IQCH: variants seen among roughly 807,000 people sequenced by gnomAD.
The protein encoded by IQCH is IQ domain-containing protein H.
IQCH carries 98 observed loss-of-function variants against 117.0 expected under a neutral mutation model. The observed-to-expected ratio is 0.84, with a 90% CI of 0.71 to 0.99. The LOEUF (loss-of-function observed/expected upper bound fraction) is 0.99, where lower values mean the gene tolerates loss of function less well. Among genes scored for constraint, IQCH ranks in the 50% least tolerant of loss-of-function variants. The probability of loss-of-function intolerance (pLI) is 0.00; values close to 1 mark genes in which losing one functional copy is unlikely to be tolerated. For synonymous variants in IQCH, 412 were observed against 448.2 expected (o/e 0.92, Z 1.02); for missense variants, 1,102 against 1,243.8 (o/e 0.89, Z 1.72).
At chr15:67,329,864 A>C (rs1465601863) in intron 4 of IQCH, among the ~76,000 whole-genome samples, 1 of 151,978 alleles carries the variant, frequency 6.6e-6, no homozygotes, top group Non-Finnish European at 1.5e-5. Context: ...ATATATAGTG[A>C]ATTATATATG....
chr15:67,367,607 G>A (rs979979300), intron 8 of IQCH, among the ~76,000 whole-genome samples: 6 of 152,086 alleles, frequency 3.9e-5, no homozygotes, highest in African/African-American at 1.4e-4. Context: ...AGGCCAGGTT[G>A]GCTCTGATGT....
At chr15:67,362,769 C>T (rs1389051205) in intron 8 of IQCH, among the ~76,000 whole-genome samples, 3 of 152,340 alleles carry the variant, frequency 2.0e-5, no homozygotes, top group Non-Finnish European at 4.4e-5. Context: ...ATCCACAACA[C>T]TTGGGTTTTC....
intron 4 of IQCH, among the ~76,000 whole-genome samples, chr15:67,292,378 A>G (rs1212387215): frequency 6.6e-6 from 1 of 152,048 alleles, no homozygotes; most frequent in African/African-American, 2.4e-5. Flanking sequence ...CAGCCTCCCG[A>G]GTAGCTGAGA....
At chr15:67,414,094 C>T (rs573268200) in intron 14 of IQCH, among the ~76,000 whole-genome samples, 9 of 152,314 alleles carry the variant, frequency 5.9e-5, no homozygotes, top group African/African-American at 9.6e-5. Flanking sequence ...CCATAAAGTC[C>T]GCCCAGGAAG....
intron 18 of IQCH, among the ~76,000 whole-genome samples, chr15:67,489,562 C>T (rs568808029): frequency 9.3e-6 from 1 of 107,384 alleles, no homozygotes; most frequent in African/African-American, 3.5e-5. Flanking sequence ...GCGATTCTCC[C>T]GCCTCAGTCT....
At chr15:67,358,909 T>C (rs1970023387) in intron 7 of IQCH, among the ~76,000 whole-genome samples, 2 of 152,238 alleles carry the variant, frequency 1.3e-5, no homozygotes, top group South Asian at 2.1e-4. Flanking sequence ...AAGCTATTTA[T>C]GTAGCAGCAT....
intron 17 of IQCH, among the ~76,000 whole-genome samples, chr15:67,468,871 T>C (rs985066120): frequency 1.3e-5 from 2 of 152,232 alleles, no homozygotes; most frequent in African/African-American, 2.4e-5. Context: ...AGAGATTTAT[T>C]ACATAAGGAT....
chr15:67,347,898 T>G lies in IQCH; in HGVS notation c.637+3707T>G, dbSNP rs116254065. On this transcript the variant is annotated intron_variant, in intron 6 of 20. Coordinates refer to ENST00000335894, the MANE Select transcript of IQCH (RefSeq NM_001031715.3). ...ATATATAGATATATATGTTTATATATATAGAGAGAGATTATGTATTTTATA... is the reference window on the plus strand; with the variant it reads ...ATATATAGATATATATGTTTATATAGATAGAGAGAGATTATGTATTTTATA... Among the ~76,000 whole-genome samples, 1,345 of 147,728 alleles carry G rather than the reference T, an allele frequency of 9.1e-3. 15 individuals carry two copies. Among genetic ancestry groups the G allele is most frequent in the African/African-American group, 0.031 (1,277 of 40,780 alleles).
At chr15:67,371,518 C>A in intron 8 of IQCH, 1 of 1,581,798 alleles carries the variant, frequency 6.3e-7, no homozygotes, top group Non-Finnish European at 8.6e-7. Flanking sequence ...TCAAGAGAAA[C>A]CTAAGAATGA....
At chr15:67,414,743 A>T (rs1476186349) in intron 14 of IQCH, among the ~76,000 whole-genome samples, 1 of 151,568 alleles carries the variant, frequency 6.6e-6, no homozygotes, top group Admixed American at 6.6e-5. Context: ...AAGGCCTGAC[A>T]TTCTGTAATT....
chr15:67,379,338 G>A (rs1455113425), intron 10 of IQCH, among the ~76,000 whole-genome samples: 1 of 152,168 alleles, frequency 6.6e-6, no homozygotes, highest in African/African-American at 2.4e-5. Context: ...AATTCTAAGT[G>A]TTAGTTGCAA....
chr15:67,337,278 G>A lies in IQCH; in HGVS notation c.508+183G>A, dbSNP rs1230828927. On this transcript the variant is annotated intron_variant, in intron 5 of 20. Coordinates refer to ENST00000335894, the MANE Select transcript of IQCH (RefSeq NM_001031715.3). ...TGTAAATTAAAAGGTTGGACAAGAC[G>A]ATCACTAGAGTCCCTTCCACCTGTA... Among the ~76,000 whole-genome samples the A allele has an allele frequency of 7.2e-5, 11 of 152,096 alleles. No individual in the cohort carries two copies. The East Asian group carries it at 1.5e-3, about 21-fold the overall frequency.
At chr15:67,336,178 T>A (rs923472543) in intron 4 of IQCH, among the ~76,000 whole-genome samples, 1 of 152,146 alleles carries the variant, frequency 6.6e-6, no homozygotes, top group African/African-American at 2.4e-5. Flanking sequence ...CCTAGTTCCC[T>A]TGGAAGTTAT....
chr15:67,291,005 A>G (rs1288436088), intron 4 of IQCH, among the ~76,000 whole-genome samples: 3 of 152,180 alleles, frequency 2.0e-5, no homozygotes, highest in South Asian at 2.1e-4. Context: ...AAGAAGAGCT[A>G]TATCTCTCGC....
intron 4 of IQCH, among the ~76,000 whole-genome samples, chr15:67,312,876 G>T (rs1043455315): frequency 6.6e-6 from 1 of 152,120 alleles, no homozygotes; most frequent in Non-Finnish European, 1.5e-5. Flanking sequence ...GTGTTCTCCA[G>T]TATTCTAACC....
At chr15:67,347,455 A>ATAC (rs1421209193) in intron 6 of IQCH, among the ~76,000 whole-genome samples, 1 of 152,132 alleles carries the variant, frequency 6.6e-6, no homozygotes, top group African/African-American at 2.4e-5. Flanking sequence ...TGAAAGACAG[A>ATAC]TACTACCTAA....
Position 67,458,390 on chromosome 15 carries a change from T to C in IQCH, c.2506-6737T>C, listed in dbSNP as rs1243754544. 6.6e-6 allele frequency among the ~76,000 whole-genome samples: 1 copy of C among 152,238 alleles called. No individual in the cohort carries two copies. Among genetic ancestry groups the C allele is most frequent in the Non-Finnish European group, 1.5e-5 (1 of 68,050 alleles). Reference sequence around the variant, plus strand: ...TTCTACTTTTGAAAAATATCTATAATACAACCACTTCTCCCACCTTCCAGT... The same window carrying C: ...TTCTACTTTTGAAAAATATCTATAACACAACCACTTCTCCCACCTTCCAGT... On this transcript the variant is annotated intron_variant, in intron 16 of 20. Coordinates refer to ENST00000335894, the MANE Select transcript of IQCH (RefSeq NM_001031715.3). The surrounding 1 kb of genome is among the most constrained non-coding windows in gnomAD (Gnocchi z 4.1).
At position 67,426,774 on chromosome 15, in the gene IQCH, T is replaced by G. The variant is rs2081902052; in HGVS notation, c.2505+5197T>G. On this transcript the variant is annotated intron_variant, in intron 16 of 20. Transcript: ENST00000335894. This position sits in a 1 kb window ranked among gnomAD's most constrained non-coding sequence, Gnocchi z 5.1. Reference sequence around the variant, plus strand: ...GAATTGCTTGAGCTCAGGAGTTCAATACCAGCCTGGGCAACATAGAAAGGT... The same window carrying G: ...GAATTGCTTGAGCTCAGGAGTTCAAGACCAGCCTGGGCAACATAGAAAGGT... Among the ~76,000 whole-genome samples, 1 of 151,960 alleles carries G rather than the reference T, an allele frequency of 6.6e-6. No individual in the cohort carries two copies. Among genetic ancestry groups the G allele is most frequent in the Non-Finnish European group, 1.5e-5 (1 of 68,000 alleles).
chr15:67,300,150 A>T (rs1383531786), intron 4 of IQCH, among the ~76,000 whole-genome samples: 1 of 152,022 alleles, frequency 6.6e-6, no homozygotes, highest in African/African-American at 2.4e-5. Context: ...TCTTTTATTT[A>T]TCAATTTTTA....
Sources: gnomAD v4.1 joint callset for allele counts (sites outside exome capture counted in the v4.1 genomes callset) on GRCh38, gnomAD v4.1.1 for gene constraint, Gnocchi (gnomAD v3.1) non-coding constraint, MANE v1.5 for transcripts, NCBI Gene and HGNC (gene_info 2026-07-23, HGNC 2026-07-21) for gene names.